Variants in ACO2 observed in about 807,000 individuals in gnomAD.
ACO2 encodes the protein aconitase 2.
In ACO2, 31 loss-of-function variants were observed where a neutral mutation model predicts 84.5. The ratio of observed to expected loss-of-function variants is 0.37; its 90% CI spans 0.28 to 0.50. ACO2 has a LOEUF of 0.50. Ranked by LOEUF, ACO2 falls within the 20% of genes least tolerant of loss-of-function variation. The probability of loss-of-function intolerance (pLI) is 0.97; values close to 1 mark genes in which losing one functional copy is unlikely to be tolerated. For synonymous variants in ACO2, 414 were observed against 412.7 expected (o/e 1.00, Z -0.04); for missense variants, 685 against 1,029.3 (o/e 0.67, Z 4.58).
At chr22:41,516,047 C>CA (rs1055958544) in intron 6 of ACO2, 130 bp downstream of exon 6, 2 of 1,246,558 alleles carry the variant, frequency 1.6e-6, no homozygotes, top group Non-Finnish European at 2.3e-6. Context: ...TTGGGATAGA[C>CA]AGAGGTAGAA....
intron 1 of ACO2, among the ~76,000 whole-genome samples, chr22:41,497,408 G>A (rs1317034189): frequency 6.6e-6 from 1 of 151,708 alleles, no homozygotes; most frequent in Non-Finnish European, 1.5e-5. Flanking sequence ...TTCTTCTCTG[G>A]TAACAAGGTA....
Position 41,511,862 on chromosome 22 carries a change from A to T in ACO2, c.433-14A>T. Reference sequence around the variant, plus strand: ...CCATGTTGCTAACGCCCAATTATTGATTTGTCTCAATAGGACATCAACCAG... The same window carrying T: ...CCATGTTGCTAACGCCCAATTATTGTTTTGTCTCAATAGGACATCAACCAG... On this transcript the variant is annotated splice_polypyrimidine_tract_variant and intron_variant, in intron 3 of 17. Transcript: ENST00000216254. 6.3e-7 allele frequency: 1 copy of T among 1,592,376 alleles called. No homozygotes were observed. Among genetic ancestry groups the T allele is most frequent in the Non-Finnish European group, 8.6e-7 (1 of 1,169,240 alleles).
chr22:41,495,086 G>C (rs974432810), intron 1 of ACO2, among the ~76,000 whole-genome samples: 1 of 151,886 alleles, frequency 6.6e-6, no homozygotes, highest in Admixed American at 6.6e-5. Flanking sequence ...GAGTGCAGTG[G>C]TGAGTTCATA....
chr22:41,482,587 A>C (rs2038101675), intron 1 of ACO2, among the ~76,000 whole-genome samples: 1 of 152,268 alleles, frequency 6.6e-6, no homozygotes, highest in South Asian at 2.1e-4. Context: ...AGGAAGTGCT[A>C]TAACGATGCT....
chr22:41,526,975 C>T (rs2066611973), intron 15 of ACO2: 1 of 461,600 alleles, frequency 2.2e-6, no homozygotes, highest in Non-Finnish European at 3.9e-6. Flanking sequence ...TGTGTGGGGC[C>T]CGGAGGCCGT....
At chr22:41,527,081 C>T in intron 15 of ACO2, 1 of 679,660 alleles carries the variant, frequency 1.5e-6, no homozygotes, top group South Asian at 1.9e-5. Context: ...AACCACGTGC[C>T]TCTGTCCCCT....
At chr22:41,514,386 AC>A (rs1364711469) in intron 4 of ACO2, among the ~76,000 whole-genome samples, 1 of 152,242 alleles carries the variant, frequency 6.6e-6, no homozygotes, top group African/African-American at 2.4e-5. Flanking sequence ...TGCCTCATGG[AC>A]AGGATCTCAT....
intron 2 of ACO2, among the ~76,000 whole-genome samples, chr22:41,506,267 T>G (rs2066392310): frequency 1.3e-5 from 2 of 151,902 alleles, no homozygotes; most frequent in Non-Finnish European, 2.9e-5. Flanking sequence ...CTTTTTTTTT[T>G]TTTGAGATAG....
intron 3 of ACO2, among the ~76,000 whole-genome samples, chr22:41,511,363 G>A (rs2146119658): frequency 6.6e-6 from 1 of 152,256 alleles, no homozygotes; most frequent in Non-Finnish European, 1.5e-5. Context: ...GTAGAGACAG[G>A]GTTTCGCCAT....
At chr22:41,527,188 A>C in intron 15 of ACO2, 100 bp from the exon 16 acceptor site, 2 of 1,576,552 alleles carry the variant, frequency 1.3e-6, no homozygotes. Flanking sequence ...GAGCCTCAGG[A>C]TGCCCAGGCG....
chr22:41,504,077 A>G (rs1462547255), intron 2 of ACO2, among the ~76,000 whole-genome samples: 5 of 152,156 alleles, frequency 3.3e-5, no homozygotes, highest in African/African-American at 9.7e-5. Flanking sequence ...TTAGTCAGGC[A>G]TGGTGGCGAG....
At chr22:41,519,230 G>A (rs2066500833) in intron 8 of ACO2, among the ~76,000 whole-genome samples, 1 of 152,238 alleles carries the variant, frequency 6.6e-6, no homozygotes, top group African/African-American at 2.4e-5. Flanking sequence ...GATCAGAGCA[G>A]GTGTTTGCAG....
intron 12 of ACO2, among the ~76,000 whole-genome samples, chr22:41,524,463 C>T (rs1003215910): frequency 1.3e-5 from 2 of 152,226 alleles, no homozygotes; most frequent in African/African-American, 2.4e-5. Context: ...ACAAATATGT[C>T]TTGCTAAATG....
At chr22:41,509,770 C>T (rs2066420523) in intron 3 of ACO2, among the ~76,000 whole-genome samples, 1 of 150,080 alleles carries the variant, frequency 6.7e-6, no homozygotes, top group Non-Finnish European at 1.5e-5. Flanking sequence ...CTATGGTCAC[C>T]ATCCTCAGAG....
At chr22:41,514,676 G>A (rs1232703821) in intron 4 of ACO2, among the ~76,000 whole-genome samples, 1 of 152,230 alleles carries the variant, frequency 6.6e-6, no homozygotes, top group East Asian at 1.9e-4. Flanking sequence ...GGGTGTTGAG[G>A]TGTTGCTGCC....
rs17367716 is a variant in ACO2, at chr22:41,517,840, A to G, written c.940+209A>G. On this transcript the variant is annotated intron_variant, in intron 7 of 17. Coordinates refer to ENST00000216254, the MANE Select transcript of ACO2 (RefSeq NM_001098.3). ...TCTCCAGCTTCTCAAAGGGCCTGGC[A>G]TCTGAGTTCAAGATAGCCCCACCTC... Among the ~76,000 whole-genome samples, 29,522 of 152,224 alleles carry G rather than the reference A, an allele frequency of 0.19. 3,681 individuals carry two copies. Among genetic ancestry groups the G allele is most frequent in the Admixed American group, 0.38 (5,886 of 15,292 alleles).
rs373774948 is a variant in ACO2, at chr22:41,474,369, C to T, written c.36+5187C>T. Among the ~76,000 whole-genome samples the T allele has an allele frequency of 3.1e-3, 462 of 147,940 alleles. 4 individuals carry two copies. The highest frequency in any genetic ancestry group is 0.021 in the Middle Eastern group (6 of 290). ...GGTGCAGTGGCGCGATCTCGGCTCA[C>T]TGCAAGCTCTGCTTCCTGGGTTCAT... is the stretch of plus-strand genomic sequence containing the variant. On this transcript the variant is annotated intron_variant, in intron 1 of 17. Transcript: ENST00000216254.
chr22:41,519,528 G>A (rs137874057), intron 8 of ACO2, among the ~76,000 whole-genome samples: 118 of 152,218 alleles, frequency 7.8e-4, no homozygotes, highest in African/African-American at 2.8e-3. Context: ...AAAAGCGGCC[G>A]GGCATGGTGG....
At chr22:41,511,464 A>T (rs573867693) in intron 3 of ACO2, among the ~76,000 whole-genome samples, 18 of 152,192 alleles carry the variant, frequency 1.2e-4, no homozygotes, top group Non-Finnish European at 2.2e-4. Flanking sequence ...GAGCCACTGC[A>T]CCCAGCCACT....
Sources: gnomAD v4.1 joint callset for allele counts (sites outside exome capture counted in the v4.1 genomes callset) on GRCh38, gnomAD v4.1.1 for gene constraint, MANE v1.5 for transcripts, NCBI Gene and HGNC (gene_info 2026-07-23, HGNC 2026-07-21) for gene names.